The following FBXO34 variants were observed in gnomAD, a reference collection of about 807,000 sequenced individuals.
FBXO34 encodes F-box only protein 34.
A neutral mutation model predicts 24.5 loss-of-function variants in FBXO34; 12 were observed. That is an observed-to-expected ratio of 0.49 (90% CI 0.31 to 0.79). FBXO34 has a LOEUF of 0.79. Ranked by LOEUF, FBXO34 falls within the 30% of genes least tolerant of loss-of-function variation. The probability of loss-of-function intolerance (pLI) is 0.04; values close to 1 mark genes in which losing one functional copy is unlikely to be tolerated. For missense variants in FBXO34, 823 were observed against 857.7 expected (o/e 0.96, Z 0.51); for synonymous variants, 320 against 311.9 (o/e 1.03, Z -0.27).
the FBXO34 span, among the ~76,000 whole-genome samples, chr14:55,376,291 TTATTAG>T: frequency 8.5e-5 from 13 of 152,264 alleles, no homozygotes; most frequent in Non-Finnish European, 1.6e-4. Context: ...ATATTAGCTC[TTATTAG>T]TAAGGATAAA....
At chr14:55,385,678 C>A in the FBXO34 span, among the ~76,000 whole-genome samples, 3 of 152,246 alleles carry the variant, frequency 2.0e-5, no homozygotes, top group African/African-American at 7.2e-5. Context: ...CCACCCCTCA[C>A]CTCGCTGCCT....
the FBXO34 span, among the ~76,000 whole-genome samples, chr14:55,420,116 G>T: frequency 7.5e-3 from 1,148 of 152,274 alleles, 18 homozygotes; most frequent in African/African-American, 0.027. Flanking sequence ...TGTTACCCAG[G>T]CTAGAGTGCA....
the FBXO34 span, among the ~76,000 whole-genome samples, chr14:55,439,403 AG>A: frequency 6.6e-6 from 1 of 152,136 alleles, no homozygotes; most frequent in Admixed American, 6.5e-5. Context: ...TGCAGGGGAC[AG>A]GGGCTCTCTG....
chr14:55,326,551 T>C lies in FBXO34; in HGVS notation c.-10-23830T>C, dbSNP rs370242664. Among the ~76,000 whole-genome samples the C allele has an allele frequency of 1.7e-4, 26 of 152,302 alleles. No homozygotes were observed. The East Asian group carries it at 4.6e-3, about 27-fold the overall frequency. Reference sequence around the variant, plus strand: ...AGGTTTGGTGAGGAGGAAAAAATCATAGATCAAGATGTGAGACTTGCTGTC... The same window carrying C: ...AGGTTTGGTGAGGAGGAAAAAATCACAGATCAAGATGTGAGACTTGCTGTC... On this transcript the variant is annotated intron_variant, in intron 1 of 1. Transcript: ENST00000313833.
intron 1 of FBXO34, among the ~76,000 whole-genome samples, chr14:55,316,671 G>A (rs1882939629): frequency 6.7e-6 from 1 of 148,756 alleles, no homozygotes; most frequent in Non-Finnish European, 1.5e-5. Context: ...GCAGTGCATT[G>A]AGCTGAGATC....
chr14:55,341,695 G>C (rs1232932114), intron 1 of FBXO34, among the ~76,000 whole-genome samples: 1 of 152,062 alleles, frequency 6.6e-6, no homozygotes, highest in Non-Finnish European at 1.5e-5. Flanking sequence ...TCTGCATTTT[G>C]TTGTTCATTC....
the FBXO34 span, among the ~76,000 whole-genome samples, chr14:55,380,859 A>G: frequency 8.5e-5 from 8 of 93,568 alleles, no homozygotes; most frequent in Admixed American, 1.8e-4. Context: ...TTGTGTGTAT[A>G]TATATATATA....
downstream of FBXO34, chr14:55,366,898 A>ATACTT (rs1884691983): frequency 6.5e-6 from 1 of 152,686 alleles, no homozygotes; most frequent in African/African-American, 2.4e-5. Flanking sequence ...GTTGAAATGT[A>ATACTT]TACTTAAGAG....
At chr14:55,313,086 G>C (rs2139751284) in intron 1 of FBXO34, among the ~76,000 whole-genome samples, 1 of 152,110 alleles carries the variant, frequency 6.6e-6, no homozygotes, top group East Asian at 1.9e-4. Flanking sequence ...CTTTGTGAAT[G>C]CTTAGAACTG....
the FBXO34 span, among the ~76,000 whole-genome samples, chr14:55,433,432 T>C: frequency 6.6e-6 from 1 of 151,626 alleles, no homozygotes; most frequent in African/African-American, 2.4e-5. Flanking sequence ...GGATTACAGA[T>C]GTGAGCCACC....
At position 55,352,477 on chromosome 14, in the gene FBXO34, G is replaced by A. The variant is rs758567096; in HGVS notation, c.2087G>A (p.Arg696Gln). 2.0e-5 allele frequency: 33 copies of A among 1,613,388 alleles called. No individual in the cohort carries two copies. The highest frequency in any genetic ancestry group is 2.6e-5 in the Non-Finnish European group (31 of 1,179,740). The change falls in exon 2 of 2, where the codon CGG (arginine) becomes CAG (glutamine). Residue 696 changes from arginine (R) to glutamine (Q), a missense_variant. Transcript: ENST00000313833. ...HWVPACHSFN[R>Q]AIHKKAKGTE... ...GTTCCTGCCTGCCACAGCTTTAATC[G>A]GGCAATCCATAAGAAAGCAAAAGGG... is the stretch of plus-strand genomic sequence containing the variant.
At chr14:55,386,106 A>G in the FBXO34 span, 28 of 1,598,470 alleles carry the variant, frequency 1.8e-5, no homozygotes, top group Non-Finnish European at 2.2e-5. Context: ...TCTAAAATAA[A>G]TAAATCACAC....
At chr14:55,436,397 A>G in the FBXO34 span, among the ~76,000 whole-genome samples, 1 of 152,202 alleles carries the variant, frequency 6.6e-6, no homozygotes, top group African/African-American at 2.4e-5. Context: ...CCTTACAGAT[A>G]ATCAAACTGT....
At chr14:55,426,119 T>A in the FBXO34 span, among the ~76,000 whole-genome samples, 7 of 151,682 alleles carry the variant, frequency 4.6e-5, no homozygotes, top group Non-Finnish European at 1.0e-4. Context: ...ATACAAAAAT[T>A]AGCCGGGTGT....
chr14:55,287,812 A>G (rs1442324745), intron 1 of FBXO34, among the ~76,000 whole-genome samples: 2 of 152,184 alleles, frequency 1.3e-5, no homozygotes, highest in African/African-American at 4.8e-5. Flanking sequence ...GATTTTATAA[A>G]CTAGCATGAT....
chr14:55,436,939 G>C, the FBXO34 span: 1 of 1,614,204 alleles, frequency 6.2e-7, no homozygotes, highest in African/African-American at 1.3e-5. Flanking sequence ...TGCAGTATCC[G>C]GATTGGATGC....
chr14:55,319,529 T>C (rs992162356), intron 1 of FBXO34, among the ~76,000 whole-genome samples: 1 of 152,262 alleles, frequency 6.6e-6, no homozygotes, highest in African/African-American at 2.4e-5. Context: ...GGTTAATGGC[T>C]GTTTTGTTTT....
chr14:55,413,969 T>C, the FBXO34 span: 6 of 511,296 alleles, frequency 1.2e-5, no homozygotes, highest in Admixed American at 4.0e-5. Context: ...TAGATTCGCA[T>C]GTATGTGGCC....
chr14:55,319,433 T>G (rs1404141360), intron 1 of FBXO34, among the ~76,000 whole-genome samples: 1 of 152,146 alleles, frequency 6.6e-6, no homozygotes, highest in Non-Finnish European at 1.5e-5. Flanking sequence ...CAACAACTTT[T>G]TGTTCTTCTT....
Sources: allele counts gnomAD v4.1 joint callset (sites outside exome capture counted in the v4.1 genomes callset), GRCh38; gene constraint gnomAD v4.1.1; transcripts MANE v1.5; gene names NCBI Gene and HGNC (gene_info 2026-07-23, HGNC 2026-07-21).